RASL10B: variants seen among roughly 807,000 people sequenced by gnomAD.
RASL10B encodes the protein RAS like family 10 member B.
A neutral mutation model predicts 20.7 loss-of-function variants in RASL10B; 10 were observed. The observed-to-expected ratio is 0.48, with a 90% CI of 0.30 to 0.82. RASL10B has a LOEUF of 0.82. RASL10B is among the 40% of genes least tolerant of loss of function. The pLI, the probability that RASL10B is intolerant of heterozygous loss-of-function variation, is 0.07. For missense variants in RASL10B, 231 were observed against 295.4 expected, an observed-to-expected ratio of 0.78 and a Z score of 1.60; for synonymous variants, 110 against 123.3, an observed-to-expected ratio of 0.89 and a Z score of 0.72.
At position 35,731,647 on chromosome 17, in the gene RASL10B, G is replaced by C. The variant is rs1386908426; in HGVS notation, c.-379G>C. On this transcript the variant is annotated 5_prime_UTR_variant, in exon 1 of 4. Transcript: ENST00000603017. ...CCCCGCACCCCCTCCTCCTTCCAGC[G>C]CGAGCAGGCGGCGCGCTCCGGAGGG... The C allele has an allele frequency of 6.6e-6, 1 of 152,222 alleles. No homozygotes were observed. The highest frequency in any genetic ancestry group is 2.4e-5 in the African/African-American group (1 of 41,440). The allele number at this position is 152,222 out of a possible 1,614,324, so 9.4% of individuals were successfully genotyped here.
At chr17:35,737,759 C>T (rs1486751598) in intron 2 of RASL10B, among the ~76,000 whole-genome samples, 1 of 151,876 alleles carries the variant, frequency 6.6e-6, no homozygotes, top group Admixed American at 6.6e-5. Context: ...AAAAATTAGC[C>T]AGGCATGGTG....
At chr17:35,740,649 T>G in intron 3 of RASL10B, 116 bp downstream of exon 3, 1 of 1,230,346 alleles carries the variant, frequency 8.1e-7, no homozygotes, top group Non-Finnish European at 1.1e-6. Context: ...TTCTAAGATT[T>G]CCACACATAC....
chr17:35,732,183 C>G (rs2085562444), intron 1 of RASL10B, among the ~76,000 whole-genome samples: 1 of 152,202 alleles, frequency 6.6e-6, no homozygotes, highest in South Asian at 2.1e-4. Context: ...CAGCCCACCC[C>G]CAGGCGAACG....
At position 35,738,818 on chromosome 17, in the gene RASL10B, G is replaced by C. The variant is rs139260941; in HGVS notation, c.217-1591G>C. 2.3e-3 allele frequency among the ~76,000 whole-genome samples: 350 copies of C among 152,244 alleles called. 1 individual carries two copies. Among genetic ancestry groups the C allele is most frequent in the African/African-American group, 7.5e-3 (311 of 41,548 alleles). On this transcript the variant is annotated intron_variant, in intron 2 of 3. Coordinates refer to ENST00000603017, the MANE Select transcript of RASL10B (RefSeq NM_033315.4). ...GGCAACATGTTGGGGGAGAGGTGGG[G>C]CTGTCACCCTCAAAAGCTGGCAGCT...
At chr17:35,733,341 C>A (rs904127005) in intron 1 of RASL10B, among the ~76,000 whole-genome samples, 2 of 152,192 alleles carry the variant, frequency 1.3e-5, no homozygotes, top group African/African-American at 4.8e-5. Flanking sequence ...TACATGCACA[C>A]ATCATAACAC....
At chr17:35,738,218 C>A (rs1234712127) in intron 2 of RASL10B, among the ~76,000 whole-genome samples, 2 of 152,010 alleles carry the variant, frequency 1.3e-5, no homozygotes, top group Non-Finnish European at 2.9e-5. Flanking sequence ...GCCCATTTTT[C>A]TATTGGGTTG....
chr17:35,740,554 C>G, intron 3 of RASL10B, 21 bp downstream of exon 3: 3 of 1,608,402 alleles, frequency 1.9e-6, no homozygotes, highest in Non-Finnish European at 2.6e-6. Flanking sequence ...GGAACACAGT[C>G]CATTGCCACC....
intron 2 of RASL10B, among the ~76,000 whole-genome samples, chr17:35,739,101 C>A (rs1221663211): frequency 6.6e-6 from 1 of 152,250 alleles, no homozygotes; most frequent in East Asian, 1.9e-4. Context: ...GATGCCACAT[C>A]ATCTCCCTAG....
Position 35,741,354 on chromosome 17 carries a change from G to A in RASL10B, c.*49G>A. On this transcript the variant is annotated 3_prime_UTR_variant, in exon 4 of 4. Transcript: ENST00000603017. Reference sequence around the variant, plus strand: ...ACCGGCACTGGCCGAGCGGAGGGCGGGGCCGTACTGCGGGGCTGGGGCGGG... The same window carrying A: ...ACCGGCACTGGCCGAGCGGAGGGCGAGGCCGTACTGCGGGGCTGGGGCGGG... The A allele has an allele frequency of 7.2e-7, 1 of 1,387,432 alleles. No homozygotes were observed. The highest frequency in any genetic ancestry group is 9.3e-7 in the Non-Finnish European group (1 of 1,076,906). The allele number at this position is 1,387,432 out of a possible 1,614,324, so 85.9% of individuals were successfully genotyped here.
In RASL10B at chr17:35,741,461, A is replaced by C. The variant is rs1391827616; in HGVS notation, c.*156A>C. 1 of 1,168,654 alleles carries C rather than the reference A, an allele frequency of 8.6e-7. No individual in the cohort carries two copies. The highest frequency in any genetic ancestry group is 1.1e-6 in the Non-Finnish European group (1 of 889,848). 72.4% of individuals were successfully genotyped at this position (1,168,654 alleles called of 1,614,324 possible). ...ACCTCCCGGTGAGAAGCAGAGCGCG[A>C]GAGGGAGCCCTCCGTAACTGCCCAG... On this transcript the variant is annotated 3_prime_UTR_variant, in exon 4 of 4. Coordinates refer to ENST00000603017, the MANE Select transcript of RASL10B (RefSeq NM_033315.4).
Position 35,735,051 on chromosome 17 carries a change from C to A in RASL10B, c.-134C>A. ...TTGTCCCCACAGTCCAGGTGGAGGC[C>A]GCAGAGGGCCCAGGGCAAGCAGAGG... On this transcript the variant is annotated 5_prime_UTR_variant, in exon 2 of 4. Transcript: ENST00000603017. The surrounding 1 kb of genome is among the most constrained non-coding windows in gnomAD (Gnocchi z 6.7). The A allele has an allele frequency of 2.3e-6, 2 of 883,162 alleles. No individual in the cohort carries two copies. The highest frequency in any genetic ancestry group is 3.6e-6 in the Non-Finnish European group (2 of 556,222). The allele number at this position is 883,162 out of a possible 1,614,324, so 54.7% of individuals were successfully genotyped here. A position where few individuals can be genotyped will look rare whatever the true frequency, so the allele number is the denominator to read the frequency against.
At chr17:35,733,150 G>T (rs1435306479) in intron 1 of RASL10B, among the ~76,000 whole-genome samples, 1 of 152,156 alleles carries the variant, frequency 6.6e-6, no homozygotes, top group Non-Finnish European at 1.5e-5. Context: ...AAAATGAGAA[G>T]AATCTCTCTC....
At chr17:35,738,154 T>C (rs2085606302) in intron 2 of RASL10B, among the ~76,000 whole-genome samples, 1 of 152,140 alleles carries the variant, frequency 6.6e-6, no homozygotes, top group Admixed American at 6.5e-5. Flanking sequence ...TGAGCATCTT[T>C]CATAGGTTTA....
At chr17:35,734,961 A>G in intron 1 of RASL10B, 77 bp from the exon 2 acceptor site, 2 of 577,354 alleles carry the variant, frequency 3.5e-6, no homozygotes, top group Non-Finnish European at 6.2e-6. Context: ...CAGCTTCAGC[A>G]AAGTCCCAAA....
In RASL10B at chr17:35,735,693, ATAGTC is replaced by A. The variant is rs2085587495; in HGVS notation, c.216+295_216+299del. The stretch of plus-strand genomic sequence containing the variant: ...TATGGAATTTGCTTTCAAGAAACTC[ATAGTC>A]TGGTGAGAAAAGGCAAATATGGTGT... On this transcript the variant is annotated intron_variant, in intron 2 of 3. Transcript: ENST00000603017. The surrounding 1 kb of genome is among the most constrained non-coding windows in gnomAD (Gnocchi z 6.7). 6.6e-6 allele frequency among the ~76,000 whole-genome samples: 1 copy of A among 152,220 alleles called. No individual in the cohort carries two copies. Among genetic ancestry groups the A allele is most frequent in the African/African-American group, 2.4e-5 (1 of 41,472 alleles).
At position 35,736,299 on chromosome 17, in the gene RASL10B, G is replaced by T. The variant is rs139237999; in HGVS notation, c.216+899G>T. 1.2e-4 allele frequency among the ~76,000 whole-genome samples: 18 copies of T among 152,336 alleles called. No homozygotes were observed. The East Asian group carries it at 3.3e-3, about 28-fold the overall frequency. The stretch of plus-strand genomic sequence containing the variant: ...TACAGAGCTTTTCCAGGAAGGACAG[G>T]CACAGTGGTGGAGGCCCAGAAGACA... On this transcript the variant is annotated intron_variant, in intron 2 of 3. Transcript: ENST00000603017.
At position 35,741,330 on chromosome 17, in the gene RASL10B, C is replaced by T. The variant is rs1368219467; in HGVS notation, c.*25C>T. 7.1e-7 allele frequency: 1 copy of T among 1,411,256 alleles called. No homozygotes were observed. The highest frequency in any genetic ancestry group is 3.0e-5 in the Admixed American group (1 of 33,076). 87.4% of individuals were successfully genotyped at this position (1,411,256 alleles called of 1,614,324 possible). A position where few individuals can be genotyped will look rare whatever the true frequency, so the allele number is the denominator to read the frequency against. On this transcript the variant is annotated 3_prime_UTR_variant, in exon 4 of 4. Coordinates refer to ENST00000603017, the MANE Select transcript of RASL10B (RefSeq NM_033315.4). ...ACGCCTGCGCGCCCCTCGGGCTGCA[C>T]CGGCACTGGCCGAGCGGAGGGCGGG... is the stretch of plus-strand genomic sequence containing the variant.
At chr17:35,737,290 AGCCAC>A (rs2085599018) in intron 2 of RASL10B, among the ~76,000 whole-genome samples, 1 of 152,156 alleles carries the variant, frequency 6.6e-6, no homozygotes, top group Admixed American at 6.6e-5. Context: ...TACAAGTGTG[AGCCAC>A]TGTGCTTGGC....
chr17:35,739,359 C>T (rs1315121715), intron 2 of RASL10B, among the ~76,000 whole-genome samples: 3 of 152,198 alleles, frequency 2.0e-5, no homozygotes, highest in Non-Finnish European at 2.9e-5. Context: ...TTTCCTTTGT[C>T]CTTGGAGGCC....
Sources: gnomAD v4.1 joint callset for allele counts (sites outside exome capture counted in the v4.1 genomes callset) on GRCh38, gnomAD v4.1.1 for gene constraint, Gnocchi (gnomAD v3.1) non-coding constraint, MANE v1.5 for transcripts, NCBI Gene and HGNC (gene_info 2026-07-23, HGNC 2026-07-21) for gene names.